The following PUM3 variants were observed in gnomAD, a reference collection of about 807,000 sequenced individuals.
PUM3 encodes the protein pumilio homolog 3.
PUM3 carries 91 observed loss-of-function variants against 84.0 expected under a neutral mutation model. That is an observed-to-expected ratio of 1.08 (90% CI 0.91 to 1.29). The LOEUF is 1.29. PUM3 is among the 50% of genes most tolerant of loss of function. The probability of loss-of-function intolerance (pLI) is 0.00; values close to 1 mark genes in which losing one functional copy is unlikely to be tolerated. For missense variants in PUM3, 1,067 were observed against 767.5 expected (o/e 1.39, Z -4.61); for synonymous variants, 321 against 266.7 (o/e 1.20, Z -1.98).
At position 2,818,722 on chromosome 9, in the gene PUM3, C is replaced by G. The variant is rs549347726; in HGVS notation, c.1269+1296G>C. On this transcript the variant is annotated intron_variant, in intron 13 of 17. Transcript: ENST00000397885. ...GAAAGTCTTGCCAACTTGTTTCTTCCCACAATCCTATCCCAAAGAAAGTCA... is the reference window on the plus strand; with the variant it reads ...GAAAGTCTTGCCAACTTGTTTCTTCGCACAATCCTATCCCAAAGAAAGTCA... Among the ~76,000 whole-genome samples, 6 of 152,252 alleles carry G rather than the reference C, an allele frequency of 3.9e-5. No homozygotes were observed. In the South Asian group the frequency reaches 1.2e-3, roughly 32 times the overall value.
chr9:2,804,488 T>C, intron 17 of PUM3, 25 bp from the exon 18 acceptor site: 1 of 1,602,342 alleles, frequency 6.2e-7, no homozygotes, highest in Non-Finnish European at 8.5e-7. Context: ...AAAATTAAAT[T>C]TCATAAGCAT....
rs574481485 is a variant in PUM3, at chr9:2,829,512, T to C, written c.852+262A>G. Among the ~76,000 whole-genome samples, 46 of 152,296 alleles carry C rather than the reference T, an allele frequency of 3.0e-4. No homozygotes were observed. In the South Asian group the frequency reaches 7.1e-3, roughly 23 times the overall value. ...CAGTATGACTGTAAAAATAGAAGTA[T>C]TGAAGTGCTACACACAGAGCACTCA... On this transcript the variant is annotated intron_variant, in intron 8 of 17. Transcript: ENST00000397885.
rs201712358 is a variant in PUM3 at position 2,823,781 on chromosome 9, A to C, written c.1188T>G (p.Asn396Lys). 3.7e-5 allele frequency: 52 copies of C among 1,415,106 alleles called. No individual in the cohort carries two copies. Among genetic ancestry groups the C allele is most frequent in the Non-Finnish European group, 4.5e-5 (46 of 1,020,800 alleles). The allele number at this position is 1,415,106 out of a possible 1,614,324, so 87.7% of individuals were successfully genotyped here. ...TMKTYVEKVA[N>K]GQYSHLVLLA... Reference sequence around the variant, plus strand: ...GAATATGTAGTTTTATTATACTTACATTAGCCACCTTTTCAACATAAGTCT... The same window carrying C: ...GAATATGTAGTTTTATTATACTTACCTTAGCCACCTTTTCAACATAAGTCT... The change falls in exon 12 of 18, where the codon AAT (asparagine) becomes AAG (lysine). Residue 396 changes from asparagine to lysine, a missense_variant and splice_region_variant. By Grantham distance (94) the Asn-to-Lys change is moderately conservative. Coordinates refer to ENST00000397885, the MANE Select transcript of PUM3 (RefSeq NM_014878.5).
At chr9:2,811,824 C>G (rs1206838043) in intron 14 of PUM3, among the ~76,000 whole-genome samples, 1 of 143,558 alleles carries the variant, frequency 7.0e-6, no homozygotes, top group Non-Finnish European at 1.5e-5. Context: ...TAAAGGGAGT[C>G]TGACTTGTGT....
chr9:2,813,128 A>T (rs1343184028), intron 13 of PUM3, among the ~76,000 whole-genome samples: 1 of 152,184 alleles, frequency 6.6e-6, no homozygotes. Flanking sequence ...AGCAGTTACA[A>T]ATTACACTAT....
chr9:2,842,929 G>T (rs985310862), intron 1 of PUM3, among the ~76,000 whole-genome samples: 4 of 152,074 alleles, frequency 2.6e-5, no homozygotes, highest in African/African-American at 9.7e-5. Flanking sequence ...TAAGAAATCT[G>T]AGTTACCCTT....
At chr9:2,827,693 T>C (rs1179547038) in intron 9 of PUM3, among the ~76,000 whole-genome samples, 1 of 152,172 alleles carries the variant, frequency 6.6e-6, no homozygotes, top group Non-Finnish European at 1.5e-5. Context: ...TGGTCAGGCA[T>C]AAAAGACCTA....
At position 2,831,245 on chromosome 9, in the gene PUM3, A is replaced by C; in HGVS notation, c.610+6T>G. 1 of 1,545,962 alleles carries C rather than the reference A, an allele frequency of 6.5e-7. No individual in the cohort carries two copies. Among genetic ancestry groups the C allele is most frequent in the Admixed American group, 1.7e-5 (1 of 58,170 alleles). ...GATAACATAATCTTTAGTATGTAAT[A>C]AATACCTCGCAATTCTTCAAAAGCC... On this transcript the variant is annotated splice_donor_region_variant and intron_variant, in intron 6 of 17. Transcript: ENST00000397885.
intron 12 of PUM3, among the ~76,000 whole-genome samples, chr9:2,822,864 T>A (rs1000540782): frequency 6.6e-6 from 1 of 151,294 alleles, no homozygotes; most frequent in East Asian, 1.9e-4. Flanking sequence ...ATAGGAACGT[T>A]AGCTGCCTTC....
At chr9:2,812,180 C>CAG in intron 14 of PUM3, 40 bp downstream of exon 14, 1 of 1,578,744 alleles carries the variant, frequency 6.3e-7, no homozygotes, top group Non-Finnish European at 8.7e-7. Flanking sequence ...TCAACATTAA[C>CAG]AGAGGAATAA....
chr9:2,829,275 C>G (rs949015792), intron 8 of PUM3, among the ~76,000 whole-genome samples: 2 of 152,290 alleles, frequency 1.3e-5, no homozygotes, highest in South Asian at 4.1e-4. Flanking sequence ...CCAGCTAGTC[C>G]CACTGCTAAC....
At chr9:2,804,930 G>T (rs1219551447) in intron 17 of PUM3, among the ~76,000 whole-genome samples, 1 of 152,208 alleles carries the variant, frequency 6.6e-6, no homozygotes, top group African/African-American at 2.4e-5. Flanking sequence ...GAGGCACAGA[G>T]AGGTCAGAGT....
chr9:2,821,458 A>G, intron 12 of PUM3, among the ~76,000 whole-genome samples: 1 of 150,774 alleles, frequency 6.6e-6, no homozygotes, highest in Admixed American at 6.6e-5. Context: ...AAAAAAAAAA[A>G]AAAAGAACAT....
intron 12 of PUM3, among the ~76,000 whole-genome samples, chr9:2,822,233 G>A (rs1815664156): frequency 6.6e-6 from 1 of 152,126 alleles, no homozygotes; most frequent in South Asian, 2.1e-4. Context: ...AACACTGATG[G>A]TATGAACACT....
rs572752267 is a variant in PUM3, at chr9:2,821,443, C to CAAAAAAAA, written c.1189-1353_1189-1346dup. Among the ~76,000 whole-genome samples, 18 of 50,122 alleles carry CAAAAAAAA rather than the reference C, an allele frequency of 3.6e-4. 2 individuals carry two copies. The highest frequency in any genetic ancestry group is 9.5e-4 in the South Asian group (1 of 1,056). 32.9% of individuals were successfully genotyped at this position (50,122 alleles called of 152,430 possible). On this transcript the variant is annotated intron_variant, in intron 12 of 17. Coordinates refer to ENST00000397885, the MANE Select transcript of PUM3 (RefSeq NM_014878.5). ...TGGGCGACAGAGCAAGACTCTGTCT[C>CAAAAAAAA]AAAAAAAAAAAAAAAAAAAGAACAT...
At chr9:2,807,371 G>A (rs1821279214) in intron 17 of PUM3, among the ~76,000 whole-genome samples, 1 of 151,966 alleles carries the variant, frequency 6.6e-6, no homozygotes. Flanking sequence ...CAAGATGGGA[G>A]GACTACTTGA....
intron 14 of PUM3, 50 bp from the exon 15 acceptor site, chr9:2,811,633 A>G (rs773344064): frequency 3.6e-6 from 5 of 1,391,518 alleles, no homozygotes; most frequent in Non-Finnish European, 5.1e-6. Context: ...TCGCAAAGGA[A>G]ATGTGGTGAT....
chr9:2,830,726 A>G lies in PUM3; in HGVS notation c.677+236T>C, dbSNP rs186140563. 2.5e-4 allele frequency among the ~76,000 whole-genome samples: 38 copies of G among 152,278 alleles called. 1 individual carries two copies. Among genetic ancestry groups the G allele is most frequent in the Admixed American group, 2.5e-3 (38 of 15,300 alleles). Reference sequence around the variant, plus strand: ...CATCAAAGTCATAAATTTCAAGGAGATTTGCAGGACATTTCTCATGTATCT... The same window carrying G: ...CATCAAAGTCATAAATTTCAAGGAGGTTTGCAGGACATTTCTCATGTATCT... On this transcript the variant is annotated intron_variant, in intron 7 of 17. Coordinates refer to ENST00000397885, the MANE Select transcript of PUM3 (RefSeq NM_014878.5).
At chr9:2,806,076 A>C (rs1011311951) in intron 17 of PUM3, among the ~76,000 whole-genome samples, 1 of 152,228 alleles carries the variant, frequency 6.6e-6, no homozygotes, top group African/African-American at 2.4e-5. Flanking sequence ...GTAGTGCTCC[A>C]TAATAAACCT....
Sources: allele counts gnomAD v4.1 joint callset (sites outside exome capture counted in the v4.1 genomes callset), GRCh38; gene constraint gnomAD v4.1.1; transcripts MANE v1.5; gene names NCBI Gene and HGNC (gene_info 2026-07-23, HGNC 2026-07-21).